Variants in PTPRN2 observed in about 807,000 individuals in gnomAD.
PTPRN2 encodes receptor-type tyrosine-protein phosphatase N2.
Under a neutral mutation model 118.8 loss-of-function variants are expected in PTPRN2, and 74 were observed. That is an observed-to-expected ratio of 0.62 (90% CI 0.52 to 0.76). The LOEUF (loss-of-function observed/expected upper bound fraction) is 0.76, where lower values mean the gene tolerates loss of function less well. Among genes scored for constraint, PTPRN2 ranks in the 30% least tolerant of loss-of-function variants. The pLI, the probability that PTPRN2 is intolerant of heterozygous loss-of-function variation, is 0.00. For synonymous variants in PTPRN2, 641 were observed against 608.0 expected (o/e 1.05, Z -0.80); for missense variants, 1,481 against 1,394.4 (o/e 1.06, Z -0.99).
chr7:158,055,979 C>T (rs963180536), intron 11 of PTPRN2, among the ~76,000 whole-genome samples: 18 of 152,202 alleles, frequency 1.2e-4, no homozygotes, highest in South Asian at 2.1e-4. Flanking sequence ...ACACTTCTAA[C>T]GGGGCCCTGT....
Position 158,081,283 on chromosome 7 carries a change from T to C in PTPRN2, c.1723+15A>G, listed in dbSNP as rs3800863. 0.66 allele frequency: 1,063,724 copies of C among 1,608,234 alleles called. 355,599 individuals carry two copies. The highest frequency in any genetic ancestry group is 0.9 in the East Asian group (40,488 of 44,830). Reference sequence around the variant, plus strand: ...ACGTGTGTGTGCGTGTACGTGTGTGTGGAAACAGCCTCACCTGTGGCCTTC... The same window carrying C: ...ACGTGTGTGTGCGTGTACGTGTGTGCGGAAACAGCCTCACCTGTGGCCTTC... On this transcript the variant is annotated intron_variant, in intron 11 of 22. Coordinates refer to ENST00000389418, the MANE Select transcript of PTPRN2 (RefSeq NM_002847.5).
At chr7:158,366,393 C>T (rs1471714477) in intron 2 of PTPRN2, among the ~76,000 whole-genome samples, 1 of 150,622 alleles carries the variant, frequency 6.6e-6, no homozygotes. Flanking sequence ...CACACCCACA[C>T]ACCCACAGCA....
chr7:158,107,242 C>T (rs1015947363), intron 10 of PTPRN2, among the ~76,000 whole-genome samples: 3 of 152,068 alleles, frequency 2.0e-5, no homozygotes, highest in Admixed American at 6.5e-5. Flanking sequence ...AGATCTGTCC[C>T]CTAAGTCACC....
At chr7:158,319,996 CACACACTCACACAGCCTCCCTCAT>C (rs1802833646) in intron 2 of PTPRN2, among the ~76,000 whole-genome samples, 1 of 83,092 alleles carries the variant, frequency 1.2e-5, no homozygotes, top group African/African-American at 4.7e-5. Flanking sequence ...GCCTCCCTCA[CACACACTCACACAGCCTCCCTCAT>C]ACACACACAC....
chr7:158,356,512 C>A (rs1238763388), intron 2 of PTPRN2, among the ~76,000 whole-genome samples: 1 of 152,052 alleles, frequency 6.6e-6, no homozygotes, highest in South Asian at 2.1e-4. Context: ...TGAACATAAT[C>A]AAAAACAACA....
At chr7:157,789,951 T>TGTG (rs1804341008) in intron 12 of PTPRN2, among the ~76,000 whole-genome samples, 1 of 149,820 alleles carries the variant, frequency 6.7e-6, no homozygotes, top group Non-Finnish European at 1.5e-5. Context: ...GTGGTGTGTG[T>TGTG]GTGGTGGTGA....
intron 9 of PTPRN2, among the ~76,000 whole-genome samples, chr7:158,128,796 C>T (rs1193992570): frequency 1.3e-5 from 2 of 152,120 alleles, no homozygotes; most frequent in African/African-American, 4.8e-5. Context: ...CTCTCCTACC[C>T]CGGGGCAGGG....
At chr7:157,841,091 A>G (rs1808389707) in intron 12 of PTPRN2, among the ~76,000 whole-genome samples, 1 of 152,232 alleles carries the variant, frequency 6.6e-6, no homozygotes, top group Non-Finnish European at 1.5e-5. Context: ...CTCCCAGCAC[A>G]GGGCAGAGGC....
intron 11 of PTPRN2, among the ~76,000 whole-genome samples, chr7:158,018,787 C>T (rs1488633704): frequency 6.6e-6 from 1 of 151,572 alleles, no homozygotes; most frequent in Non-Finnish European, 1.5e-5. Flanking sequence ...ATGGTAAAAC[C>T]CTGTCTCTAC....
At chr7:157,736,246 G>A (rs751717942) in intron 12 of PTPRN2, among the ~76,000 whole-genome samples, 6 of 152,172 alleles carry the variant, frequency 3.9e-5, no homozygotes, top group Non-Finnish European at 7.3e-5. Flanking sequence ...AAATCTGGGC[G>A]AGATTCAGGG....
intron 2 of PTPRN2, among the ~76,000 whole-genome samples, chr7:158,407,529 C>G (rs1470819609): frequency 9.7e-5 from 1 of 10,260 alleles, no homozygotes; most frequent in South Asian, 3.6e-3. Flanking sequence ...CTGCGTCCTG[C>G]GTCCTGGGTC....
At chr7:157,826,725 G>T (rs574731457) in intron 12 of PTPRN2, among the ~76,000 whole-genome samples, 4 of 152,214 alleles carry the variant, frequency 2.6e-5, no homozygotes, top group South Asian at 2.1e-4. Context: ...GGACTTGGGG[G>T]TGTCACAGGA....
At chr7:158,047,960 G>A (rs1167379279) in intron 11 of PTPRN2, among the ~76,000 whole-genome samples, 5 of 152,152 alleles carry the variant, frequency 3.3e-5, no homozygotes, top group African/African-American at 1.2e-4. Flanking sequence ...CACACGTAAG[G>A]CAGCTCCTTG....
chr7:157,742,328 C>T (rs748390340), intron 12 of PTPRN2, among the ~76,000 whole-genome samples: 11 of 152,080 alleles, frequency 7.2e-5, no homozygotes, highest in African/African-American at 2.2e-4. Context: ...TGTATTTAGA[C>T]GGGGCAGTCT....
intron 1 of PTPRN2, among the ~76,000 whole-genome samples, chr7:158,554,968 G>A (rs918739389): frequency 6.6e-6 from 1 of 152,140 alleles, no homozygotes; most frequent in African/African-American, 2.4e-5. Context: ...ACGACCCGGG[G>A]ACACGTTTAA....
At chr7:157,828,348 GT>G (rs1807324609) in intron 12 of PTPRN2, among the ~76,000 whole-genome samples, 1 of 152,192 alleles carries the variant, frequency 6.6e-6, no homozygotes, top group African/African-American at 2.4e-5. Flanking sequence ...AAGAGGCCAC[GT>G]TGACTACAGA....
intron 1 of PTPRN2, among the ~76,000 whole-genome samples, chr7:158,497,358 C>T (rs1023907398): frequency 2.7e-5 from 4 of 150,290 alleles, no homozygotes; most frequent in African/African-American, 7.4e-5. Context: ...CTTCACCTGC[C>T]GATCCAGAGT....
chr7:157,958,219 C>T (rs1392724666), intron 11 of PTPRN2, among the ~76,000 whole-genome samples: 2 of 152,092 alleles, frequency 1.3e-5, no homozygotes, highest in Non-Finnish European at 2.9e-5. Context: ...TAAAAACGCT[C>T]AACAAACTAG....
At chr7:157,860,076 C>G (rs1261344030) in intron 12 of PTPRN2, among the ~76,000 whole-genome samples, 1 of 152,250 alleles carries the variant, frequency 6.6e-6, no homozygotes, top group African/African-American at 2.4e-5. Context: ...ACCCCAGAGA[C>G]AGCATGCGGC....
Sources: allele counts gnomAD v4.1 joint callset (sites outside exome capture counted in the v4.1 genomes callset), GRCh38; gene constraint gnomAD v4.1.1; transcripts MANE v1.5; gene names NCBI Gene and HGNC (gene_info 2026-07-23, HGNC 2026-07-21).